The following SMIM41 variants were observed in gnomAD, a reference collection of about 807,000 sequenced individuals.
SMIM41 encodes small integral membrane protein 41.
intron 2 of SMIM41, among the ~76,000 whole-genome samples, chr12:52,099,890 T>C (rs1359977060): frequency 6.6e-6 from 1 of 151,806 alleles, no homozygotes; most frequent in African/African-American, 2.4e-5. Context: ...AATATCACAG[T>C]GGGGTGTACA....
At chr12:52,100,054 C>T (rs1261818889) in intron 2 of SMIM41, among the ~76,000 whole-genome samples, 1 of 151,948 alleles carries the variant, frequency 6.6e-6, no homozygotes, top group Non-Finnish European at 1.5e-5. Context: ...GGTGTACACA[C>T]CCTGTGATAT....
chr12:52,098,734 CGGGGG>C (rs34609593), intron 2 of SMIM41, among the ~76,000 whole-genome samples: 1 of 133,186 alleles, frequency 7.5e-6, no homozygotes, highest in Non-Finnish European at 1.6e-5. Context: ...AACAATATCA[CGGGGG>C]GGGGGGTGTA....
intron 2 of SMIM41, among the ~76,000 whole-genome samples, chr12:52,086,754 C>T (rs1441454145): frequency 6.6e-6 from 1 of 152,212 alleles, no homozygotes; most frequent in Admixed American, 6.5e-5. Context: ...TCACTCTGGT[C>T]CCTTGACCTC....
At position 52,095,546 on chromosome 12, in the gene SMIM41, AC is replaced by A. The variant is rs1373494878; in HGVS notation, c.*195+11583del. ...AGAACAATATCACAGGAGTGTTTCT[AC>A]CCCCAGCGGCATTGGGTGTTGTATC... On this transcript the variant is annotated intron_variant, in intron 2 of 2. Coordinates refer to ENST00000546390, the MANE Select transcript of SMIM41 (RefSeq NM_001369216.1). Among the ~76,000 whole-genome samples, 5 of 151,678 alleles carry A rather than the reference AC, an allele frequency of 3.3e-5. No homozygotes were observed. In the East Asian group the frequency reaches 5.8e-4, roughly 18 times the overall value.
At chr12:52,106,809 C>A (rs962651864) in intron 2 of SMIM41, among the ~76,000 whole-genome samples, 5 of 152,222 alleles carry the variant, frequency 3.3e-5, no homozygotes, top group African/African-American at 9.6e-5. Flanking sequence ...GCATGTGGAA[C>A]TATTTTCTGC....
At chr12:52,101,007 A>T (rs1435962035) in intron 2 of SMIM41, among the ~76,000 whole-genome samples, 1 of 152,340 alleles carries the variant, frequency 6.6e-6, no homozygotes, top group South Asian at 2.1e-4. Context: ...CAGCCTAAAA[A>T]GGAGTAAAAT....
intron 2 of SMIM41, among the ~76,000 whole-genome samples, chr12:52,099,514 G>A (rs1940172236): frequency 6.6e-6 from 1 of 151,984 alleles, no homozygotes; most frequent in African/African-American, 2.4e-5. Context: ...ATCACGGGGT[G>A]GGGGGTGTAC....
At chr12:52,097,751 G>C (rs572246536) in intron 2 of SMIM41, among the ~76,000 whole-genome samples, 14 of 152,102 alleles carry the variant, frequency 9.2e-5, no homozygotes, top group African/African-American at 2.9e-4. Flanking sequence ...ATACCAAAGC[G>C]GGGATGGACA....
intron 2 of SMIM41, among the ~76,000 whole-genome samples, chr12:52,098,104 G>A (rs1301013439): frequency 2.6e-5 from 4 of 152,028 alleles, no homozygotes; most frequent in Non-Finnish European, 5.9e-5. Flanking sequence ...ATGTCATCCT[G>A]TGCCTCCCTG....
intron 2 of SMIM41, among the ~76,000 whole-genome samples, chr12:52,098,519 G>C (rs1295245776): frequency 6.8e-6 from 1 of 147,024 alleles, no homozygotes; most frequent in South Asian, 2.1e-4. Flanking sequence ...GTGGGGGGGG[G>C]GGGACGTACA....
intron 2 of SMIM41, among the ~76,000 whole-genome samples, chr12:52,091,516 A>G (rs1209293476): frequency 6.6e-6 from 1 of 152,212 alleles, no homozygotes; most frequent in African/African-American, 2.4e-5. Flanking sequence ...GGTTTGCATG[A>G]TAAGAGCCAC....
At position 52,081,143 on chromosome 12, in the gene SMIM41, C is replaced by T. The variant is rs191447726; in HGVS notation, c.*120+962C>T. Among the ~76,000 whole-genome samples the T allele has an allele frequency of 6.6e-6, 1 of 152,232 alleles. No homozygotes were observed. The highest frequency in any genetic ancestry group is 1.9e-4 in the East Asian group (1 of 5,178). ...AGGCGAAAGCCACCTGGGACAGAGC[C>T]ACAGGGGCTGGAGAGGCCTTCTCTG... On this transcript the variant is annotated intron_variant, in intron 1 of 2. Transcript: ENST00000546390. This position sits in a 1 kb window ranked among gnomAD's most constrained non-coding sequence, Gnocchi z 4.1.
rs983510649 is a variant in SMIM41 at position 52,089,641 on chromosome 12, G to T, written c.*195+5673G>T. ...ACAAAACAAAACAAAACAAAAACCT[G>T]CAGGAGAATCCGTCCTTGCCTCCGC... On this transcript the variant is annotated intron_variant, in intron 2 of 2. Coordinates refer to ENST00000546390, the MANE Select transcript of SMIM41 (RefSeq NM_001369216.1). Among the ~76,000 whole-genome samples the T allele has an allele frequency of 1.0e-4, 15 of 143,808 alleles. 1 individual carries two copies. The highest frequency in any genetic ancestry group is 8.7e-4 in the Admixed American group (13 of 14,892). The allele number at this position is 143,808 out of a possible 152,430, so 94.3% of individuals were successfully genotyped here.
intron 2 of SMIM41, among the ~76,000 whole-genome samples, chr12:52,104,912 A>G (rs1258820975): frequency 1.3e-5 from 2 of 152,228 alleles, no homozygotes; most frequent in African/African-American, 2.4e-5. Flanking sequence ...TCTGTGGTCT[A>G]TGCAGCTTGT....
chr12:52,080,485 CTG>C (rs1453646410), intron 1 of SMIM41, among the ~76,000 whole-genome samples: 1 of 152,210 alleles, frequency 6.6e-6, no homozygotes, highest in South Asian at 2.1e-4. Context: ...TGCTGTGTAA[CTG>C]TGGGGTGGTT....
rs1939793883 is a variant in SMIM41, at chr12:52,079,979, C to T, written c.200C>T (p.Ala67Val). 1 of 381,790 alleles carries T rather than the reference C, an allele frequency of 2.6e-6. No homozygotes were observed. Among genetic ancestry groups the T allele is most frequent in the Non-Finnish European group, 4.6e-6 (1 of 215,154 alleles). The allele number at this position is 381,790 out of a possible 1,614,324, so 23.7% of individuals were successfully genotyped here. Residue 67 changes from alanine (A) to valine (V), a missense_variant, in exon 1 of 3, where the codon GCG becomes GTG. Transcript: ENST00000546390. Reference protein sequence around the residue: ...GLLLRAQGLTALLTREQRASR... With the variant: ...GLLLRAQGLTVLLTREQRASR... ...CTCCTCCGCGCCCAGGGCCTGACAG[C>T]GCTGCTGACCCGCGAGCAGCGCGCG...
intron 2 of SMIM41, among the ~76,000 whole-genome samples, chr12:52,102,700 T>A (rs1940241780): frequency 1.3e-5 from 2 of 152,178 alleles, no homozygotes; most frequent in South Asian, 4.1e-4. Context: ...AGGATGGATA[T>A]GATAAACAAG....
chr12:52,096,258 T>C (rs1029296009), intron 2 of SMIM41, among the ~76,000 whole-genome samples: 3 of 151,984 alleles, frequency 2.0e-5, no homozygotes, highest in African/African-American at 7.3e-5. Context: ...CATTCTCTTC[T>C]TCCGTGAATA....
At chr12:52,101,876 C>T (rs1312600452) in intron 2 of SMIM41, among the ~76,000 whole-genome samples, 1 of 152,100 alleles carries the variant, frequency 6.6e-6, no homozygotes, top group Non-Finnish European at 1.5e-5. Context: ...GCACACCCAG[C>T]TAATGTTGTA....
Sources: gnomAD v4.1 joint callset for allele counts (sites outside exome capture counted in the v4.1 genomes callset) on GRCh38, gnomAD v4.1.1 for gene constraint, Gnocchi (gnomAD v3.1) non-coding constraint, MANE v1.5 for transcripts, NCBI Gene and HGNC (gene_info 2026-07-23, HGNC 2026-07-21) for gene names.